The following PDZK1 variants were observed in gnomAD, a reference collection of about 807,000 sequenced individuals.
PDZK1 encodes PDZ domain containing 1.
In PDZK1, 23 loss-of-function variants were observed where a neutral mutation model predicts 38.1. The observed-to-expected ratio is 0.60, with a 90% CI of 0.43 to 0.85. The LOEUF is 0.85. Ranked by LOEUF, PDZK1 falls within the 40% of genes least tolerant of loss-of-function variation. The pLI, the probability that PDZK1 is intolerant of heterozygous loss-of-function variation, is 0.00. For missense variants in PDZK1, 297 were observed against 504.3 expected (o/e 0.59, Z 3.94); for synonymous variants, 98 against 186.2 (o/e 0.53, Z 3.86).
At chr1:145,690,286 T>A (rs1286871455) in intron 1 of PDZK1, among the ~76,000 whole-genome samples, 8 of 151,978 alleles carry the variant, frequency 5.3e-5, no homozygotes, top group African/African-American at 1.7e-4. Context: ...TTCACATCTA[T>A]GTCCAAGCTC....
At chr1:145,684,496 C>T (rs1167619592) in intron 3 of PDZK1, among the ~76,000 whole-genome samples, 15 of 152,314 alleles carry the variant, frequency 9.8e-5, no homozygotes, top group African/African-American at 3.6e-4. Flanking sequence ...GCGTGAGCCA[C>T]TGCGCCCGGC....
In PDZK1 at chr1:145,687,860, T is replaced by A. The variant is rs782140611; in HGVS notation, c.162A>T (p.Arg54Ser). Reference protein sequence around the residue: ...AEKAGLQDGDRVLRINGVFVD... With the variant: ...AEKAGLQDGDSVLRINGVFVD... Reference sequence around the variant, plus strand: ...CAAAGACACCATTGATCCTAAGAACTCTGTCTCCATCTTGAAGGCCAGCCT... The same window carrying A: ...CAAAGACACCATTGATCCTAAGAACACTGTCTCCATCTTGAAGGCCAGCCT... The change falls in exon 2 of 9, where the codon AGA becomes AGT. Residue 54 changes from arginine (R) to serine (S), a missense_variant. By Grantham distance (110) the Arg-to-Ser change is moderately radical (BLOSUM62 -1). Transcript: ENST00000417171. The A allele has an allele frequency of 6.2e-7, 1 of 1,614,068 alleles. No homozygotes were observed. The highest frequency in any genetic ancestry group is 8.5e-7 in the Non-Finnish European group (1 of 1,179,978).
intron 1 of PDZK1, among the ~76,000 whole-genome samples, chr1:145,698,917 C>A (rs953009902): frequency 6.6e-6 from 1 of 151,698 alleles, no homozygotes; most frequent in Non-Finnish European, 1.5e-5. Flanking sequence ...CCAGCCTGGG[C>A]GACAGAACGA....
intron 1 of PDZK1, among the ~76,000 whole-genome samples, chr1:145,696,711 G>A (rs1655647819): frequency 6.6e-6 from 1 of 152,178 alleles, no homozygotes; most frequent in South Asian, 2.1e-4. Flanking sequence ...AGCACCTTCT[G>A]AGGAATGCTG....
At chr1:145,679,128 C>G (rs1440159038) in intron 5 of PDZK1, among the ~76,000 whole-genome samples, 2 of 150,866 alleles carry the variant, frequency 1.3e-5, no homozygotes, top group Non-Finnish European at 2.9e-5. Context: ...ATACATGCCT[C>G]CATGTGCTTT....
chr1:145,677,499 G>GTATGA (rs1653801707), intron 6 of PDZK1, among the ~76,000 whole-genome samples: 1 of 149,318 alleles, frequency 6.7e-6, no homozygotes, highest in Non-Finnish European at 1.5e-5. Flanking sequence ...TATTTTCTAG[G>GTATGA]TATGATTGTT....
chr1:145,700,240 C>T (rs1388571611), intron 1 of PDZK1, among the ~76,000 whole-genome samples: 1 of 152,092 alleles, frequency 6.6e-6, no homozygotes, highest in African/African-American at 2.4e-5. Context: ...TGAAAGAAAG[C>T]TCAAATAATA....
chr1:145,697,184 G>A (rs936268203), intron 1 of PDZK1, among the ~76,000 whole-genome samples: 3 of 152,006 alleles, frequency 2.0e-5, no homozygotes, highest in South Asian at 2.1e-4. Context: ...AGAATTAGCC[G>A]GGCATGGAGG....
At chr1:145,682,027 C>CACAT (rs1201408957) in intron 4 of PDZK1, among the ~76,000 whole-genome samples, 1 of 132,226 alleles carries the variant, frequency 7.6e-6, no homozygotes, top group Non-Finnish European at 1.6e-5. Flanking sequence ...CACACACACA[C>CACAT]ACACACACAC....
At chr1:145,671,578 G>A in intron 8 of PDZK1, 89 bp from the exon 9 acceptor site, 1 of 696,924 alleles carries the variant, frequency 1.4e-6, no homozygotes, top group Admixed American at 2.7e-5. Flanking sequence ...AAGTCGGGGA[G>A]TAGAGTCACT....
intron 6 of PDZK1, among the ~76,000 whole-genome samples, chr1:145,677,315 CTAAA>C (rs1434761294): frequency 6.6e-6 from 1 of 151,258 alleles, no homozygotes; most frequent in Non-Finnish European, 1.5e-5. Flanking sequence ...TCTATCCTAA[CTAAA>C]TATTTTGAGT....
chr1:145,697,763 A>ATTTTTTTTTTTTTTTTTTT (rs10564713), intron 1 of PDZK1, among the ~76,000 whole-genome samples: 1 of 44,940 alleles, frequency 2.2e-5, no homozygotes. Context: ...TGCCCAGCTA[A>ATTTTTTTTTTTTTTTTTTT]TTTTTTTTTT....
At chr1:145,676,636 G>A (rs1183596487) in intron 6 of PDZK1, among the ~76,000 whole-genome samples, 1 of 148,432 alleles carries the variant, frequency 6.7e-6, no homozygotes, top group African/African-American at 2.5e-5. Context: ...TGAGGCAGGG[G>A]AATCGCTTGA....
At chr1:145,674,611 G>GC (rs1653457024) in intron 6 of PDZK1, among the ~76,000 whole-genome samples, 2 of 152,076 alleles carry the variant, frequency 1.3e-5, no homozygotes, top group East Asian at 3.9e-4. Flanking sequence ...TACAGCCGCA[G>GC]CCCCCCAGAT....
Position 145,682,541 on chromosome 1 carries a change from C to T in PDZK1, c.556G>A (p.Glu186Lys). 14 of 1,608,572 alleles carry T rather than the reference C, an allele frequency of 8.7e-6. No individual in the cohort carries two copies. The highest frequency in any genetic ancestry group is 1.1e-5 in the Non-Finnish European group (13 of 1,177,504). The change falls in exon 4 of 9, where the codon GAG (glutamate) becomes AAG (lysine). Residue 186 changes from glutamate (E) to lysine (K), a missense_variant. Physicochemically the swap from Glu to Lys is moderately conservative, Grantham distance 56. This residue lies in a region of PDZK1 where 35 missense variants were observed against 73.9 expected (regional missense o/e 0.47). Coordinates refer to ENST00000417171, the MANE Select transcript of PDZK1 (RefSeq NM_001201325.2). ...TCATGGCTGGCATCCTCTACATTCTCTCCATTCACTTCAATCAAGTGATCA... is the reference window on the plus strand; with the variant it reads ...TCATGGCTGGCATCCTCTACATTCTTTCCATTCACTTCAATCAAGTGATCA... ...ADDHLIEVNG[E>K]NVEDASHEEV...
intron 1 of PDZK1, among the ~76,000 whole-genome samples, chr1:145,698,105 C>T (rs1222796514): frequency 6.6e-6 from 1 of 152,002 alleles, no homozygotes; most frequent in East Asian, 1.9e-4. Context: ...CTCAATCTCT[C>T]CTACGAAGTA....
intron 1 of PDZK1, among the ~76,000 whole-genome samples, chr1:145,699,600 G>T (rs1655839814): frequency 6.6e-6 from 1 of 152,144 alleles, no homozygotes; most frequent in African/African-American, 2.4e-5. Context: ...AAAGAAGAAG[G>T]GACTGTGGAA....
chr1:145,692,810 G>A (rs1415592960), intron 1 of PDZK1, among the ~76,000 whole-genome samples: 2 of 151,954 alleles, frequency 1.3e-5, no homozygotes, highest in African/African-American at 2.4e-5. Context: ...CAAGGCAAGC[G>A]GATAACGAGG....
intron 1 of PDZK1, among the ~76,000 whole-genome samples, chr1:145,695,995 G>A (rs1273930186): frequency 1.3e-5 from 2 of 152,210 alleles, no homozygotes; most frequent in Non-Finnish European, 2.9e-5. Context: ...CAACAGGTGT[G>A]CAGCACCCAG....
Sources: allele counts gnomAD v4.1 joint callset (sites outside exome capture counted in the v4.1 genomes callset), GRCh38; gene constraint gnomAD v4.1.1; regional missense constraint gnomAD v4.1.1; transcripts MANE v1.5; gene names NCBI Gene and HGNC (gene_info 2026-07-23, HGNC 2026-07-21).